Variants in PSD3 observed in about 807,000 individuals in gnomAD.
PSD3 encodes pleckstrin and Sec7 domain containing 3.
PSD3 carries 49 observed loss-of-function variants against 105.5 expected under a neutral mutation model. The ratio of observed to expected loss-of-function variants is 0.46; its 90% CI spans 0.37 to 0.59. The LOEUF (loss-of-function observed/expected upper bound fraction) is 0.59. PSD3 is among the 20% of genes least tolerant of loss of function. The probability of loss-of-function intolerance (pLI) is 0.00; values close to 1 mark genes in which losing one functional copy is unlikely to be tolerated. For missense variants in PSD3, 1,561 were observed against 1,263.8 expected (o/e 1.24, Z -3.57); for synonymous variants, 557 against 457.8 (o/e 1.22, Z -2.77).
Position 18,557,467 on chromosome 8 carries a change from C to T in PSD3, c.2785-1115G>A, listed in dbSNP as rs563674594. On this transcript the variant is annotated intron_variant, in intron 14 of 15. Transcript: ENST00000327040. The stretch of plus-strand genomic sequence containing the variant: ...TATGAGCGTCACATATAATATCTTA[C>T]GGACTTTTGTAATAATGTACATCTT... The T allele has an allele frequency of 1.2e-4, 19 of 154,166 alleles. 1 individual carries two copies. In the South Asian group the frequency reaches 2.7e-3, roughly 22 times the overall value. 9.5% of individuals were successfully genotyped at this position (154,166 alleles called of 1,614,324 possible).
At chr8:18,844,243 G>A (rs971962893) in intron 4 of PSD3, among the ~76,000 whole-genome samples, 1 of 152,102 alleles carries the variant, frequency 6.6e-6, no homozygotes, top group Non-Finnish European at 1.5e-5. Flanking sequence ...TGGAAAGAAA[G>A]AAAATAAAGT....
chr8:18,897,954 T>G (rs1175508368), intron 2 of PSD3, among the ~76,000 whole-genome samples: 1 of 152,202 alleles, frequency 6.6e-6, no homozygotes, highest in Non-Finnish European at 1.5e-5. Context: ...TGGCTAAAAC[T>G]TCTAGTACTC....
chr8:18,709,473 A>C (rs1015593913), intron 9 of PSD3, among the ~76,000 whole-genome samples: 1 of 152,168 alleles, frequency 6.6e-6, no homozygotes, highest in African/African-American at 2.4e-5. Context: ...AGCCCACTGC[A>C]CCTGTTCTGC....
At chr8:18,817,739 G>A (rs1451940189) in intron 4 of PSD3, among the ~76,000 whole-genome samples, 1 of 152,158 alleles carries the variant, frequency 6.6e-6, no homozygotes, top group African/African-American at 2.4e-5. Flanking sequence ...ACTCTGATCA[G>A]CGGAAATCAT....
At chr8:18,835,623 G>A (rs1814042586) in intron 4 of PSD3, among the ~76,000 whole-genome samples, 1 of 152,208 alleles carries the variant, frequency 6.6e-6, no homozygotes, top group Admixed American at 6.5e-5. Context: ...ATGAAACCGT[G>A]AGAGGAAAAG....
Position 18,979,421 on chromosome 8 carries a change from T to C in PSD3, c.21+34142A>G, listed in dbSNP as rs540419920. 2.0e-3 allele frequency among the ~76,000 whole-genome samples: 307 copies of C among 152,354 alleles called. 2 individuals carry two copies. Among genetic ancestry groups the C allele is most frequent in the South Asian group, 3.5e-3 (17 of 4,830 alleles). ...ACATTCTTACTCAACCAGAGAACTG[T>C]TGGCATTTGGATTAATAGAATCAAT... On this transcript the variant is annotated intron_variant, in intron 1 of 15. Coordinates refer to ENST00000327040, the MANE Select transcript of PSD3 (RefSeq NM_015310.4).
intron 4 of PSD3, among the ~76,000 whole-genome samples, chr8:18,863,792 G>C (rs1450962575): frequency 6.6e-6 from 1 of 152,022 alleles, no homozygotes; most frequent in African/African-American, 2.4e-5. Flanking sequence ...CTGCATACTA[G>C]AATATTATAG....
intron 2 of PSD3, among the ~76,000 whole-genome samples, chr8:18,923,322 T>A (rs1821154076): frequency 6.6e-6 from 1 of 152,234 alleles, no homozygotes; most frequent in Non-Finnish European, 1.5e-5. Flanking sequence ...TTGGACAAGG[T>A]AGCCCCATTC....
At chr8:18,874,393 T>C (rs1817597239) in intron 2 of PSD3, among the ~76,000 whole-genome samples, 1 of 152,094 alleles carries the variant, frequency 6.6e-6, no homozygotes, top group South Asian at 2.1e-4. Context: ...TCTCGATGTC[T>C]TGACCTCGTG....
At chr8:18,688,145 A>C (rs7017766) in intron 9 of PSD3, among the ~76,000 whole-genome samples, 140,746 of 152,180 alleles carry the variant, frequency 0.92, 65,496 homozygotes, top group Middle Eastern at 0.97. Context: ...GTGATGCCAT[A>C]ATAGCTCACT....
intron 9 of PSD3, among the ~76,000 whole-genome samples, chr8:18,749,399 T>C (rs73670008): frequency 0.033 from 5,044 of 152,306 alleles, 275 homozygotes; most frequent in African/African-American, 0.11. Context: ...AAGTCATTTC[T>C]CTTTATTCTG....
intron 11 of PSD3, among the ~76,000 whole-genome samples, chr8:18,624,833 C>A (rs556896038): frequency 3.3e-5 from 5 of 151,788 alleles, no homozygotes; most frequent in African/African-American, 1.2e-4. Flanking sequence ...AATATAAAGT[C>A]TTTACTTTTA....
chr8:18,732,390 C>T (rs761371174), intron 9 of PSD3, among the ~76,000 whole-genome samples: 8 of 152,314 alleles, frequency 5.3e-5, no homozygotes, highest in African/African-American at 7.2e-5. Flanking sequence ...ACCCCAAAAG[C>T]GAGGGGCTTT....
rs539872245 is a variant in PSD3, at chr8:18,677,965, A to C, written c.2173-22280T>G. 4.3e-4 allele frequency among the ~76,000 whole-genome samples: 65 copies of C among 150,146 alleles called. 1 individual carries two copies. The highest frequency in any genetic ancestry group is 4.0e-3 in the South Asian group (19 of 4,724). Reference sequence around the variant, plus strand: ...GCAGAGCTTGCAGTGAGCCGAGATCAGGCCACTGCACTCCAGCCTGGGCAG... The same window carrying C: ...GCAGAGCTTGCAGTGAGCCGAGATCCGGCCACTGCACTCCAGCCTGGGCAG... On this transcript the variant is annotated intron_variant, in intron 9 of 15. Transcript: ENST00000327040.
At chr8:18,799,379 G>A (rs77215002) in intron 7 of PSD3, 26 bp from the exon 8 acceptor site, 34 of 711,562 alleles carry the variant, frequency 4.8e-5, no homozygotes, top group African/African-American at 2.5e-4. Flanking sequence ...AGAAAAAAAA[G>A]CATGAATTCG....
intron 9 of PSD3, among the ~76,000 whole-genome samples, chr8:18,677,432 T>C (rs1316626616): frequency 1.3e-5 from 2 of 151,046 alleles, no homozygotes; most frequent in East Asian, 3.9e-4. Flanking sequence ...AAAAAAAAAA[T>C]AGCTGGGTGT....
At chr8:19,080,329 A>T (rs1016878167) in intron 1 of PSD3, among the ~76,000 whole-genome samples, 1 of 152,186 alleles carries the variant, frequency 6.6e-6, no homozygotes, top group African/African-American at 2.4e-5. Flanking sequence ...GTTCAGGGAG[A>T]TGTCAGAGGC....
At chr8:18,645,523 C>A (rs1480514002) in intron 10 of PSD3, among the ~76,000 whole-genome samples, 1 of 152,138 alleles carries the variant, frequency 6.6e-6, no homozygotes. Flanking sequence ...CCAATAATAT[C>A]CTTTACATAA....
At chr8:18,832,664 C>A (rs545012373) in intron 4 of PSD3, among the ~76,000 whole-genome samples, 1 of 152,270 alleles carries the variant, frequency 6.6e-6, no homozygotes, top group South Asian at 2.1e-4. Flanking sequence ...CAAGACTGGG[C>A]AATTTATAAA....
Sources: gnomAD v4.1 joint callset for allele counts (sites outside exome capture counted in the v4.1 genomes callset) on GRCh38, gnomAD v4.1.1 for gene constraint, MANE v1.5 for transcripts, NCBI Gene and HGNC (gene_info 2026-07-23, HGNC 2026-07-21) for gene names.